RNLS: variants seen among roughly 807,000 people sequenced by gnomAD.
The protein encoded by RNLS is renalase, FAD dependent amine oxidase.
In RNLS, 39 loss-of-function variants were observed where a neutral mutation model predicts 39.8. The ratio of observed to expected loss-of-function variants is 0.98; its 90% CI spans 0.76 to 1.28. RNLS has a LOEUF of 1.28. RNLS is among the 50% of genes most tolerant of loss of function. The probability of loss-of-function intolerance (pLI) is 0.00; values close to 1 mark genes in which losing one functional copy is unlikely to be tolerated. For synonymous variants in RNLS, 147 were observed against 150.7 expected (o/e 0.98, Z 0.18); for missense variants, 410 against 413.3 (o/e 0.99, Z 0.07).
chr10:88,394,758 G>T (rs541054585), intron 4 of RNLS, among the ~76,000 whole-genome samples: 4 of 152,222 alleles, frequency 2.6e-5, no homozygotes, highest in African/African-American at 9.6e-5. Flanking sequence ...TGTTTATAGC[G>T]GCACTATTCA....
At chr10:88,364,860 T>G (rs1337928328) in intron 4 of RNLS, among the ~76,000 whole-genome samples, 1 of 152,124 alleles carries the variant, frequency 6.6e-6, no homozygotes, top group Admixed American at 6.6e-5. Flanking sequence ...GGTGAAACAT[T>G]AATGCTAGCA....
At chr10:88,195,535 GT>G in the RNLS span, among the ~76,000 whole-genome samples, 1 of 152,200 alleles carries the variant, frequency 6.6e-6, no homozygotes, top group Non-Finnish European at 1.5e-5. Flanking sequence ...AGACCCTGTA[GT>G]TTGGGGTAAG....
chr10:88,507,562 T>C (rs1481023101), intron 4 of RNLS, among the ~76,000 whole-genome samples: 2 of 152,154 alleles, frequency 1.3e-5, no homozygotes, highest in Admixed American at 6.6e-5. Context: ...ACAGCTTTTA[T>C]GAGAAGGCGT....
At chr10:88,278,875 C>T (rs766017532) in intron 6 of RNLS, among the ~76,000 whole-genome samples, 1 of 152,120 alleles carries the variant, frequency 6.6e-6, no homozygotes, top group Non-Finnish European at 1.5e-5. Flanking sequence ...GCAAGATTTT[C>T]CTTTGGTACT....
intron 5 of RNLS, among the ~76,000 whole-genome samples, chr10:88,339,051 C>A (rs569457662): frequency 2.2e-4 from 33 of 152,282 alleles, no homozygotes; most frequent in African/African-American, 7.7e-4. Flanking sequence ...TGAGCCACTG[C>A]GCCCAGCCAG....
chr10:88,195,552 A>G, the RNLS span, among the ~76,000 whole-genome samples: 19 of 152,178 alleles, frequency 1.2e-4, no homozygotes, highest in African/African-American at 4.6e-4. Flanking sequence ...GTAAGAAGAC[A>G]TCTGGATGCT....
the RNLS span, among the ~76,000 whole-genome samples, chr10:88,205,335 G>A: frequency 2.0e-5 from 3 of 152,118 alleles, no homozygotes; most frequent in African/African-American, 7.2e-5. Flanking sequence ...GAAGTGTGTG[G>A]AGGGATAATG....
chr10:88,352,432 G>A (rs1332736853), intron 5 of RNLS, among the ~76,000 whole-genome samples: 1 of 152,106 alleles, frequency 6.6e-6, no homozygotes, highest in Non-Finnish European at 1.5e-5. Flanking sequence ...TTTGTCAAAG[G>A]CCTTTTCTGC....
intron 4 of RNLS, among the ~76,000 whole-genome samples, chr10:88,516,669 AGTTT>A (rs1406246923): frequency 6.6e-6 from 1 of 152,072 alleles, no homozygotes; most frequent in Non-Finnish European, 1.5e-5. Flanking sequence ...CTACAGGGAT[AGTTT>A]GTTTCAAAAA....
chr10:88,527,622 T>C (rs1847183221), intron 4 of RNLS, among the ~76,000 whole-genome samples: 1 of 152,196 alleles, frequency 6.6e-6, no homozygotes, highest in South Asian at 2.1e-4. Flanking sequence ...GGTCGAAATC[T>C]TTCCTGATTT....
intron 5 of RNLS, among the ~76,000 whole-genome samples, chr10:88,347,542 G>A (rs958585853): frequency 6.6e-6 from 1 of 151,960 alleles, no homozygotes. Context: ...AAACCATAAC[G>A]TTCCTATCTA....
intron 3 of RNLS, among the ~76,000 whole-genome samples, chr10:88,577,510 T>G (rs1850282570): frequency 6.6e-6 from 1 of 152,192 alleles, no homozygotes; most frequent in African/African-American, 2.4e-5. Context: ...CCTTGAAAAT[T>G]TACTGTGAGA....
At chr10:88,476,378 C>T (rs1392908604) in intron 4 of RNLS, among the ~76,000 whole-genome samples, 1 of 152,018 alleles carries the variant, frequency 6.6e-6, no homozygotes, top group Non-Finnish European at 1.5e-5. Flanking sequence ...ATATCTAATC[C>T]ATTGTAAACT....
intron 5 of RNLS, among the ~76,000 whole-genome samples, chr10:88,315,933 GAC>G (rs1318532506): frequency 1.3e-5 from 2 of 152,088 alleles, no homozygotes; most frequent in East Asian, 3.9e-4. Flanking sequence ...ATAAGCCAGA[GAC>G]ACGCGTAAAG....
chr10:88,308,902 A>T (rs1207961149), intron 6 of RNLS, among the ~76,000 whole-genome samples: 2 of 151,992 alleles, frequency 1.3e-5, no homozygotes, highest in Non-Finnish European at 2.9e-5. Context: ...GGATAAAGAA[A>T]ATGTGATACA....
chr10:88,187,914 A>G, the RNLS span, among the ~76,000 whole-genome samples: 4 of 152,234 alleles, frequency 2.6e-5, no homozygotes, highest in Non-Finnish European at 5.9e-5. Flanking sequence ...TTTAGTATTA[A>G]TAATAAATAT....
At chr10:88,275,670 T>C (rs996729124) in intron 6 of RNLS, among the ~76,000 whole-genome samples, 1 of 152,276 alleles carries the variant, frequency 6.6e-6, no homozygotes, top group East Asian at 1.9e-4. Context: ...CAATATGCTG[T>C]AAAATTAAAA....
At chr10:88,317,661 C>G (rs963802714) in intron 5 of RNLS, among the ~76,000 whole-genome samples, 1 of 152,186 alleles carries the variant, frequency 6.6e-6, no homozygotes, top group Non-Finnish European at 1.5e-5. Flanking sequence ...ATAACAGTCA[C>G]CATCAAGCTG....
Position 88,568,854 on chromosome 10 carries a change from G to T in RNLS, c.526+4049C>A, listed in dbSNP as rs112840636. 9.0e-3 allele frequency among the ~76,000 whole-genome samples: 1,371 copies of T among 152,204 alleles called. 20 individuals are homozygous for T. Among genetic ancestry groups the T allele is most frequent in the African/African-American group, 0.031 (1,297 of 41,524 alleles). On this transcript the variant is annotated intron_variant, in intron 4 of 6. Transcript: ENST00000331772. ...GAAACAAGTAGATTTGCTAAGGCAC[G>T]GTATTAATAATAATTCTCACAGTGC...
Sources: allele counts gnomAD v4.1 joint callset (sites outside exome capture counted in the v4.1 genomes callset), GRCh38; gene constraint gnomAD v4.1.1; transcripts MANE v1.5; gene names NCBI Gene and HGNC (gene_info 2026-07-23, HGNC 2026-07-21).